MAPK4: variants seen among roughly 807,000 people sequenced by gnomAD.
MAPK4 encodes mitogen-activated protein kinase 4, also known as Erk3-related.
MAPK4 carries 22 observed loss-of-function variants against 47.7 expected under a neutral mutation model. The ratio of observed to expected loss-of-function variants is 0.46; its 90% CI spans 0.33 to 0.66. The LOEUF is 0.66. Among genes scored for constraint, MAPK4 ranks in the 30% least tolerant of loss-of-function variants. MAPK4 has a pLI of 0.02. For synonymous variants in MAPK4, 390 were observed against 365.7 expected (o/e 1.07, Z -0.76); for missense variants, 736 against 831.7 (o/e 0.88, Z 1.42).
chr18:50,609,172 C>T lies in MAPK4; in HGVS notation c.-871+48929C>T, dbSNP rs1310347658. On this transcript the variant is annotated intron_variant, in intron 1 of 5. Coordinates refer to ENST00000400384, the MANE Select transcript of MAPK4 (RefSeq NM_002747.4). ...TTTCTCTATCTTTTCCCCACATTTCCCCCTTTTCTATTCGACAAAACCGCC... is the reference window on the plus strand; with the variant it reads ...TTTCTCTATCTTTTCCCCACATTTCTCCCTTTTCTATTCGACAAAACCGCC... Among the ~76,000 whole-genome samples the T allele has an allele frequency of 2.6e-5, 4 of 151,908 alleles. No individual in the cohort carries two copies. The East Asian group carries it at 7.7e-4, about 29-fold the overall frequency.
chr18:50,726,503 T>G (rs1443438075), intron 5 of MAPK4, among the ~76,000 whole-genome samples: 2 of 152,164 alleles, frequency 1.3e-5, no homozygotes, highest in East Asian at 3.9e-4. Flanking sequence ...GCCTGGGAAC[T>G]TGCCCTTGAA....
chr18:50,712,637 G>A (rs1023308943), intron 2 of MAPK4, among the ~76,000 whole-genome samples: 1 of 151,440 alleles, frequency 6.6e-6, no homozygotes, highest in South Asian at 2.1e-4. Context: ...CCTTACCCAT[G>A]TCAACATCTT....
chr18:50,712,610 T>C (rs1415663348), intron 2 of MAPK4, among the ~76,000 whole-genome samples: 2 of 151,520 alleles, frequency 1.3e-5, no homozygotes, highest in Non-Finnish European at 2.9e-5. Context: ...TGGTCTGTAA[T>C]TCTGGCCCAA....
intron 1 of MAPK4, among the ~76,000 whole-genome samples, chr18:50,633,430 G>A (rs2042850840): frequency 6.6e-6 from 1 of 152,184 alleles, no homozygotes; most frequent in Admixed American, 6.5e-5. Context: ...ACATCCTGTA[G>A]CAGTGCGCAT....
In MAPK4 at chr18:50,651,797, A is replaced by C. The variant is rs527858481; in HGVS notation, c.-870-11292A>C. On this transcript the variant is annotated intron_variant, in intron 1 of 5. Transcript: ENST00000400384. ...GTGTCCTGGAAGAGGAGATAGAAAT[A>C]ATTTAGCCTGATGCTCCCGCCAGTC... Among the ~76,000 whole-genome samples, 72 of 152,290 alleles carry C rather than the reference A, an allele frequency of 4.7e-4. 2 individuals are homozygous for C. The South Asian group carries it at 0.015, about 31-fold the overall frequency.
At chr18:50,647,763 C>A (rs1346063418) in intron 1 of MAPK4, among the ~76,000 whole-genome samples, 1 of 152,154 alleles carries the variant, frequency 6.6e-6, no homozygotes, top group African/African-American at 2.4e-5. Context: ...AGTCTGTGAG[C>A]CCAGCCTGGT....
At chr18:50,628,172 G>A (rs1164799681) in intron 1 of MAPK4, among the ~76,000 whole-genome samples, 1 of 152,186 alleles carries the variant, frequency 6.6e-6, no homozygotes, top group Non-Finnish European at 1.5e-5. Context: ...GCAAGAAAAG[G>A]AGAAGCAAAA....
chr18:50,689,404 T>TAAAA (rs34978159), intron 2 of MAPK4, among the ~76,000 whole-genome samples: 225 of 84,870 alleles, frequency 2.7e-3, no homozygotes, highest in African/African-American at 9.1e-3. Flanking sequence ...AACTCCATCT[T>TAAAA]AAAAAAAAAA....
chr18:50,664,844 C>A lies in MAPK4; in HGVS notation c.546+340C>A, dbSNP rs547846825. Among the ~76,000 whole-genome samples the A allele has an allele frequency of 6.6e-6, 1 of 152,310 alleles. No homozygotes were observed. Among genetic ancestry groups the A allele is most frequent in the East Asian group, 1.9e-4 (1 of 5,184 alleles). On this transcript the variant is annotated intron_variant, in intron 2 of 5. Transcript: ENST00000400384. The surrounding 1 kb of genome is among the most constrained non-coding windows in gnomAD (Gnocchi z 6.0). ...TGCCTCTAGCATCTTCTTATCCCTGCTGTCCACTTAGCCATCCCATGTCCT... is the reference window on the plus strand; with the variant it reads ...TGCCTCTAGCATCTTCTTATCCCTGATGTCCACTTAGCCATCCCATGTCCT...
rs560063061 is a variant in MAPK4, at chr18:50,704,850, G to A, written c.547-10229G>A. ...CATGATGACCAAATGGAAGGAAACAGAGGGTGAGGAGCACCCCAAGCACAT... is the reference window on the plus strand; with the variant it reads ...CATGATGACCAAATGGAAGGAAACAAAGGGTGAGGAGCACCCCAAGCACAT... On this transcript the variant is annotated intron_variant, in intron 2 of 5. Transcript: ENST00000400384. 2.4e-4 allele frequency: 97 copies of A among 398,432 alleles called. 2 individuals are homozygous for A. In the South Asian group the frequency reaches 7.6e-3, roughly 31 times the overall value. The allele number at this position is 398,432 out of a possible 1,614,324, so 24.7% of individuals were successfully genotyped here.
At chr18:50,680,951 G>A (rs1483921701) in intron 2 of MAPK4, among the ~76,000 whole-genome samples, 5 of 152,174 alleles carry the variant, frequency 3.3e-5, no homozygotes, top group African/African-American at 9.7e-5. Flanking sequence ...ACCTAGGAGC[G>A]AAATTACTGG....
intron 1 of MAPK4, among the ~76,000 whole-genome samples, chr18:50,603,155 G>C (rs778539113): frequency 2.6e-5 from 4 of 152,112 alleles, no homozygotes; most frequent in Non-Finnish European, 4.4e-5. Flanking sequence ...CAGCAGACAG[G>C]TCAGTCCCCC....
intron 2 of MAPK4, among the ~76,000 whole-genome samples, chr18:50,709,153 G>A (rs1050424218): frequency 2.6e-5 from 4 of 152,128 alleles, no homozygotes; most frequent in African/African-American, 9.6e-5. Context: ...CCAGGTTCTC[G>A]TGTGACAGGC....
intron 2 of MAPK4, among the ~76,000 whole-genome samples, chr18:50,697,854 G>A (rs552371168): frequency 1.3e-5 from 2 of 152,190 alleles, no homozygotes; most frequent in Non-Finnish European, 2.9e-5. Context: ...CTGCTCCTTA[G>A]GGCCTGTGGT....
At chr18:50,584,203 G>A (rs1037905710) in intron 1 of MAPK4, among the ~76,000 whole-genome samples, 14 of 152,274 alleles carry the variant, frequency 9.2e-5, no homozygotes, top group East Asian at 3.9e-4. Context: ...TGTCTTAGCT[G>A]CTGCTTGCTA....
chr18:50,662,662 G>A (rs1338668965), intron 1 of MAPK4, among the ~76,000 whole-genome samples: 2 of 152,240 alleles, frequency 1.3e-5, no homozygotes, highest in East Asian at 1.9e-4. Flanking sequence ...AGGAACCCAA[G>A]TGCAAAAACA....
intron 2 of MAPK4, among the ~76,000 whole-genome samples, chr18:50,679,748 C>T (rs1009586225): frequency 6.6e-5 from 10 of 152,188 alleles, no homozygotes; most frequent in African/African-American, 1.9e-4. Context: ...CTCGGGCTTC[C>T]GCTTTGCCCA....
intron 2 of MAPK4, among the ~76,000 whole-genome samples, chr18:50,668,768 T>C (rs367969689): frequency 6.6e-6 from 1 of 152,328 alleles, no homozygotes; most frequent in East Asian, 1.9e-4. Flanking sequence ...ATGTTGTCCA[T>C]CCCTGGCTTT....
chr18:50,575,421 A>T (rs2042286281), intron 1 of MAPK4, among the ~76,000 whole-genome samples: 1 of 152,234 alleles, frequency 6.6e-6, no homozygotes. Context: ...ACTCCTAGGC[A>T]CCTGAGTGCT....
Sources: allele counts gnomAD v4.1 joint callset (sites outside exome capture counted in the v4.1 genomes callset), GRCh38; gene constraint gnomAD v4.1.1; non-coding constraint Gnocchi (gnomAD v3.1); transcripts MANE v1.5; gene names NCBI Gene and HGNC (gene_info 2026-07-23, HGNC 2026-07-21).